BCL6B: variants seen among roughly 807,000 people sequenced by gnomAD.
BCL6B encodes BCL6B transcription repressor.
In BCL6B, 28 loss-of-function variants were observed where a neutral mutation model predicts 44.6. The observed-to-expected ratio is 0.63, with a 90% CI of 0.47 to 0.86. The LOEUF (loss-of-function observed/expected upper bound fraction) is 0.86. Among genes scored for constraint, BCL6B ranks in the 40% least tolerant of loss-of-function variants. The pLI is 0.00. For synonymous variants in BCL6B, 268 were observed against 263.6 expected, an observed-to-expected ratio of 1.02 and a Z score of -0.16; for missense variants, 626 against 652.3, an observed-to-expected ratio of 0.96 and a Z score of 0.44.
At chr17:7,023,551 G>A in intron 1 of BCL6B, 109 bp from the exon 2 acceptor site, 4 of 1,102,710 alleles carry the variant, frequency 3.6e-6, no homozygotes, top group Non-Finnish European at 5.1e-6. Context: ...GCCGGGGCTA[G>A]GGGCTGGAAG....
Position 7,028,632 on chromosome 17 carries a change from G to A in BCL6B, c.*1013G>A. Reference sequence around the variant, plus strand: ...AAGTGGAGTCCATCATCCTCCCACGGGGGCCTGTTCTTAGCACTGAGTTGA... The same window carrying A: ...AAGTGGAGTCCATCATCCTCCCACGAGGGCCTGTTCTTAGCACTGAGTTGA... On this transcript the variant is annotated 3_prime_UTR_variant, in exon 9 of 9. Transcript: ENST00000293805. 1.0e-6 allele frequency: 1 copy of A among 985,446 alleles called. No individual in the cohort carries two copies. 61.0% of individuals were successfully genotyped at this position (985,446 alleles called of 1,614,324 possible). A position where few individuals can be genotyped will look rare whatever the true frequency, so the allele number is the denominator to read the frequency against.
chr17:7,024,975 C>G lies in BCL6B; in HGVS notation c.765-101C>G, dbSNP rs1245056663. On this transcript the variant is annotated intron_variant, in intron 4 of 8. Coordinates refer to ENST00000293805, the MANE Select transcript of BCL6B (RefSeq NM_181844.4). This position sits in a 1 kb window ranked among gnomAD's most constrained non-coding sequence, Gnocchi z 6.6. ...GGCTCATTGGTCAACAATATTGGCTCACCCTGAGAGGGCAGGCCTTTGGCT... is the reference window on the plus strand; with the variant it reads ...GGCTCATTGGTCAACAATATTGGCTGACCCTGAGAGGGCAGGCCTTTGGCT... 6.5e-7 allele frequency: 1 copy of G among 1,528,446 alleles called. No individual in the cohort carries two copies. The allele number at this position is 1,528,446 out of a possible 1,614,324, so 94.7% of individuals were successfully genotyped here.
Position 7,025,179 on chromosome 17 carries a change from G to C in BCL6B, c.868G>C (p.Glu290Gln). ...TCAAGACACCTCTGGATCACCCTCT[G>C]AACGGGCTCGTCCACTACCGGGTAA... ...QAQDTSGSPSERARPLPGSEF... is the reference protein window; with the variant it reads ...QAQDTSGSPSQRARPLPGSEF... Residue 290 changes from glutamate (E) to glutamine (Q), a missense_variant, in exon 5 of 9, where the codon GAA (glutamate) becomes CAA (glutamine). By Grantham distance (29) the Glu-to-Gln change is conservative. Transcript: ENST00000293805. 4 of 1,614,146 alleles carry C rather than the reference G, an allele frequency of 2.5e-6. No individual in the cohort carries two copies. Among genetic ancestry groups the C allele is most frequent in the Non-Finnish European group, 3.4e-6 (4 of 1,180,022 alleles).
chr17:7,025,448 T>C (rs564391687), intron 5 of BCL6B, among the ~76,000 whole-genome samples: 7 of 152,230 alleles, frequency 4.6e-5, no homozygotes, highest in Non-Finnish European at 8.8e-5. Flanking sequence ...AGTTTGAGAA[T>C]TTCTGGCCTA....
At chr17:7,023,582 C>G in intron 1 of BCL6B, 78 bp from the exon 2 acceptor site, 1 of 1,403,774 alleles carries the variant, frequency 7.1e-7, no homozygotes, top group South Asian at 1.4e-5. Flanking sequence ...AGTTGCACCT[C>G]GGAAGGAAAA....
At chr17:7,026,900 G>C (rs1411660396) in intron 7 of BCL6B, 50 bp from the exon 8 acceptor site, 1 of 1,611,096 alleles carries the variant, frequency 6.2e-7, no homozygotes, top group South Asian at 1.1e-5. Flanking sequence ...GGCCAATAGG[G>C]AGGGTTCTGT....
At position 7,029,320 on chromosome 17, in the gene BCL6B, T is replaced by A; in HGVS notation, c.*1701T>A. The stretch of plus-strand genomic sequence containing the variant: ...CCTTGATTGATAGTTCTGCCCCTTG[T>A]TGCCCTGGGGCTTATCTGATTATGG... On this transcript the variant is annotated 3_prime_UTR_variant, in exon 9 of 9. Transcript: ENST00000293805. 2 of 988,718 alleles carry A rather than the reference T, an allele frequency of 2.0e-6. No homozygotes were observed. The highest frequency in any genetic ancestry group is 2.4e-6 in the Non-Finnish European group (2 of 831,972). 61.2% of individuals were successfully genotyped at this position (988,718 alleles called of 1,614,324 possible).
At position 7,026,601 on chromosome 17, in the gene BCL6B, G is replaced by A. The variant is rs758752886; in HGVS notation, c.1034G>A (p.Ser345Asn). 1 of 1,614,190 alleles carries A rather than the reference G, an allele frequency of 6.2e-7. No individual in the cohort carries two copies. The highest frequency in any genetic ancestry group is 1.1e-5 in the South Asian group (1 of 91,086). Residue 345 changes from serine to asparagine, a missense_variant, in exon 6 of 9, where the codon AGT (serine) becomes AAT (asparagine). Ser to Asn is a conservative substitution (Grantham distance 46). Transcript: ENST00000293805. ...SSFRYKGNLA[S>N]HRTVHTGEKP... ...TTCCGCTACAAGGGCAACCTTGCCAGTCATCGTACAGTGCACACAGGTAGG... is the reference window on the plus strand; with the variant it reads ...TTCCGCTACAAGGGCAACCTTGCCAATCATCGTACAGTGCACACAGGTAGG...
intron 8 of BCL6B, 152 bp downstream of exon 8, chr17:7,027,239 G>A: frequency 4.4e-6 from 5 of 1,131,780 alleles, no homozygotes; most frequent in Non-Finnish European, 6.2e-6. Context: ...TGGAGGCTGG[G>A]AGTCAGGATG....
At position 7,026,984 on chromosome 17, in the gene BCL6B, C is replaced by T. The variant is rs772665232; in HGVS notation, c.1220C>T (p.Thr407Ile). The change falls in exon 8 of 9, where the codon ACC becomes ATC. Residue 407 changes from threonine (T) to isoleucine (I), a missense_variant. Coordinates refer to ENST00000293805, the MANE Select transcript of BCL6B (RefSeq NM_181844.4). ...AHLRAHVLIH[T>I]GEKPYPCPTC... ...CTGCGGGCGCACGTGCTGATCCACACCGGGGAGAAGCCCTACCCTTGCCCT... is the reference window on the plus strand; with the variant it reads ...CTGCGGGCGCACGTGCTGATCCACATCGGGGAGAAGCCCTACCCTTGCCCT... 6.2e-7 allele frequency: 1 copy of T among 1,613,390 alleles called. No homozygotes were observed. Among genetic ancestry groups the T allele is most frequent in the South Asian group, 1.1e-5 (1 of 91,080 alleles).
rs764700566 is a variant in BCL6B, at chr17:7,026,775, C to G, written c.1125C>G (p.Ser375Arg). Reference sequence around the variant, plus strand: ...GGCCAGCAAACCTGAAAACGCACAGCCGCATCCATTCGGGAGAGAAGCCGT... The same window carrying G: ...GGCCAGCAAACCTGAAAACGCACAGGCGCATCCATTCGGGAGAGAAGCCGT... ...FNRPANLKTH[S>R]RIHSGEKPYK... Residue 375 changes from serine to arginine, a missense_variant, in exon 7 of 9, where the codon AGC becomes AGG. Ser to Arg is a moderately radical substitution (Grantham distance 110). Transcript: ENST00000293805. The G allele has an allele frequency of 7.4e-6, 12 of 1,614,080 alleles. No individual in the cohort carries two copies. In the South Asian group the frequency reaches 1.2e-4, roughly 16 times the overall value.
chr17:7,025,397 T>G (rs1288205941), intron 5 of BCL6B, among the ~76,000 whole-genome samples, 197 bp downstream of exon 5: 3 of 152,246 alleles, frequency 2.0e-5, no homozygotes. Flanking sequence ...GAGTCATCAG[T>G]ATTTTTCTAA....
At position 7,028,532 on chromosome 17, in the gene BCL6B, A is replaced by G. The variant is rs1910367803; in HGVS notation, c.*913A>G. The G allele has an allele frequency of 3.8e-6, 3 of 783,770 alleles. No homozygotes were observed. The African/African-American group carries it at 1.8e-4, about 48-fold the overall frequency. 48.6% of individuals were successfully genotyped at this position (783,770 alleles called of 1,614,324 possible). A position where few individuals can be genotyped will look rare whatever the true frequency, so the allele number is the denominator to read the frequency against. On this transcript the variant is annotated 3_prime_UTR_variant, in exon 9 of 9. Coordinates refer to ENST00000293805, the MANE Select transcript of BCL6B (RefSeq NM_181844.4). ...TTCTGCAAGATGGTCCAGAATCTAA[A>G]ATGTCCCATTAATCTGGTCACTTGG...
In BCL6B at chr17:7,023,973, C is replaced by T. The variant is rs1268512121; in HGVS notation, c.180-110C>T. On this transcript the variant is annotated intron_variant, in intron 2 of 8. Coordinates refer to ENST00000293805, the MANE Select transcript of BCL6B (RefSeq NM_181844.4). ...AGGCGGAGCGTCCCAGAATTGGGGG[C>T]GGGGTGATAGTGAGGAGGCGGGACT... The T allele has an allele frequency of 2.6e-6, 4 of 1,517,960 alleles. No individual in the cohort carries two copies. The Admixed American group carries it at 7.2e-5, about 27-fold the overall frequency. 94.0% of individuals were successfully genotyped at this position (1,517,960 alleles called of 1,614,324 possible). A position where few individuals can be genotyped will look rare whatever the true frequency, so the allele number is the denominator to read the frequency against.
rs766726385 is a variant in BCL6B, at chr17:7,026,783, A to G, written c.1133A>G (p.His378Arg). The G allele has an allele frequency of 6.2e-7, 1 of 1,614,170 alleles. No individual in the cohort carries two copies. The stretch of plus-strand genomic sequence containing the variant: ...AACCTGAAAACGCACAGCCGCATCC[A>G]TTCGGGAGAGAAGCCGTATAAGTGT... ...PANLKTHSRI[H>R]SGEKPYKCET... The change falls in exon 7 of 9, where the codon CAT (histidine) becomes CGT (arginine). Residue 378 changes from histidine to arginine, a missense_variant. By Grantham distance (29) the His-to-Arg change is conservative (BLOSUM62 0). Transcript: ENST00000293805.
Position 7,026,993 on chromosome 17 carries a change from AGCCCTACCCTT to A in BCL6B, c.1238_1248del (p.Pro413LeufsTer162). 6.2e-7 allele frequency: 1 copy of A among 1,613,512 alleles called. No homozygotes were observed. Among genetic ancestry groups the A allele is most frequent in the Non-Finnish European group, 8.5e-7 (1 of 1,179,974 alleles). On this transcript the variant is annotated frameshift_variant, in exon 8 of 9. Transcript: ENST00000293805. LOFTEE classifies it high-confidence loss of function. ...CACGTGCTGATCCACACCGGGGAGAAGCCCTACCCTTGCCCTACCTGCGGAACCCGCTTCCG... is the reference window on the plus strand; with the variant it reads ...CACGTGCTGATCCACACCGGGGAGAAGCCCTACCTGCGGAACCCGCTTCCG...
intron 5 of BCL6B, among the ~76,000 whole-genome samples, chr17:7,026,210 G>A (rs1363967080): frequency 2.6e-5 from 4 of 152,076 alleles, no homozygotes; most frequent in Non-Finnish European, 5.9e-5. Flanking sequence ...GTGAGCCACC[G>A]TACCTGGCCC....
In BCL6B at chr17:7,029,538, A is replaced by C; in HGVS notation, c.*1919A>C. ...GCGGAGGAGTCTATAAGAAGGAATCATGATTTCTATTTAGCAGATTGGATG... is the reference window on the plus strand; with the variant it reads ...GCGGAGGAGTCTATAAGAAGGAATCCTGATTTCTATTTAGCAGATTGGATG... On this transcript the variant is annotated 3_prime_UTR_variant, in exon 9 of 9. Coordinates refer to ENST00000293805, the MANE Select transcript of BCL6B (RefSeq NM_181844.4). 2 of 1,120,906 alleles carry C rather than the reference A, an allele frequency of 1.8e-6. No homozygotes were observed. The highest frequency in any genetic ancestry group is 1.5e-4 in the East Asian group (2 of 13,246). 69.4% of individuals were successfully genotyped at this position (1,120,906 alleles called of 1,614,324 possible).
In BCL6B at chr17:7,024,657, C is replaced by A; in HGVS notation, c.658C>A (p.Gln220Lys). Residue 220 changes from glutamine (Q) to lysine (K), a missense_variant, in exon 4 of 9, where the codon CAA (glutamine) becomes AAA (lysine). Transcript: ENST00000293805. This position sits in a 1 kb window ranked among gnomAD's most constrained non-coding sequence, Gnocchi z 6.6. Reference protein sequence around the residue: ...GSLVGERSSGQPCPQARLPSG... With the variant: ...GSLVGERSSGKPCPQARLPSG... The stretch of plus-strand genomic sequence containing the variant: ...CCTGGTCGGGGAGAGAAGTTCTGGT[C>A]AACCTTGCCCCCAAGCCAGGCTCCC... 6.2e-7 allele frequency: 1 copy of A among 1,614,008 alleles called. No homozygotes were observed. Among genetic ancestry groups the A allele is most frequent in the Non-Finnish European group, 8.5e-7 (1 of 1,179,986 alleles).
Sources: allele counts gnomAD v4.1 joint callset (sites outside exome capture counted in the v4.1 genomes callset), GRCh38; gene constraint gnomAD v4.1.1; non-coding constraint Gnocchi (gnomAD v3.1); transcripts MANE v1.5; gene names NCBI Gene and HGNC (gene_info 2026-07-23, HGNC 2026-07-21).